Variants in MSRA observed in about 807,000 individuals in gnomAD.
MSRA encodes methionine sulfoxide reductase A, also known as mitochondrial peptide methionine sulfoxide reductase.
In MSRA, 54 loss-of-function variants were observed where a neutral mutation model predicts 31.3. The ratio of observed to expected loss-of-function variants is 1.73; its 90% CI spans 1.39 to 2.17. The LOEUF (loss-of-function observed/expected upper bound fraction) is 2.17. MSRA is among the 30% of genes most tolerant of loss of function. MSRA has a pLI of 0.00. For missense variants in MSRA, 507 were observed against 300.9 expected (o/e 1.69, Z -5.07); for synonymous variants, 169 against 116.5 (o/e 1.45, Z -2.90).
rs1478514493 is a variant in MSRA at position 10,262,786 on chromosome 8, C to T, written c.331+17563C>T. On this transcript the variant is annotated intron_variant, in intron 3 of 5. Coordinates refer to ENST00000317173, the MANE Select transcript of MSRA (RefSeq NM_012331.5). ...GCCTCCACAGCCAGGCTCTGTTAGT[C>T]TCAATATTCTCCCAGAAAGTCAGGT... Among the ~76,000 whole-genome samples, 4 of 152,190 alleles carry T rather than the reference C, an allele frequency of 2.6e-5. 1 individual carries two copies. Among genetic ancestry groups the T allele is most frequent in the African/African-American group, 4.8e-5 (2 of 41,446 alleles).
At chr8:10,344,508 A>C (rs1000943464) in intron 5 of MSRA, among the ~76,000 whole-genome samples, 1 of 128,866 alleles carries the variant, frequency 7.8e-6, no homozygotes, top group Admixed American at 9.7e-5. Context: ...TGGGAGGCGG[A>C]GATTGCATCA....
chr8:10,184,507 T>A (rs1387889404), intron 1 of MSRA, among the ~76,000 whole-genome samples: 1 of 152,150 alleles, frequency 6.6e-6, no homozygotes, highest in Non-Finnish European at 1.5e-5. Context: ...TGGGATTAAA[T>A]GGCTTGATTT....
In MSRA at chr8:10,209,513, C is replaced by CTTTCT. The variant is rs1157975870; in HGVS notation, c.211+1625_211+1629dup. Among the ~76,000 whole-genome samples the CTTTCT allele has an allele frequency of 1.2e-4, 19 of 152,244 alleles. No individual in the cohort carries two copies. In the East Asian group the frequency reaches 1.9e-3, roughly 15 times the overall value. On this transcript the variant is annotated intron_variant, in intron 2 of 5. Coordinates refer to ENST00000317173, the MANE Select transcript of MSRA (RefSeq NM_012331.5). ...CAGGGAATGAGGCTCTGTGGCAAGT[C>CTTTCT]TTTCTTTTCTTTTCTTTCTATTTTT...
intron 5 of MSRA, among the ~76,000 whole-genome samples, chr8:10,358,274 A>T: frequency 6.6e-6 from 1 of 152,226 alleles, no homozygotes; most frequent in Admixed American, 6.5e-5. Flanking sequence ...AAAGATACAG[A>T]ATTAGAATAT....
At chr8:10,170,223 C>G (rs1805480512) in intron 1 of MSRA, among the ~76,000 whole-genome samples, 1 of 151,916 alleles carries the variant, frequency 6.6e-6, no homozygotes, top group Non-Finnish European at 1.5e-5. Flanking sequence ...GCTTGTCTCC[C>G]TCCAAATTCA....
chr8:10,234,362 G>C (rs977546346), intron 2 of MSRA, among the ~76,000 whole-genome samples: 12 of 152,106 alleles, frequency 7.9e-5, no homozygotes, highest in African/African-American at 2.9e-4. Flanking sequence ...TTTGAGTTTG[G>C]GAGAAGGTTA....
intron 5 of MSRA, among the ~76,000 whole-genome samples, chr8:10,324,229 A>G (rs1338285344): frequency 6.6e-6 from 1 of 152,190 alleles, no homozygotes; most frequent in African/African-American, 2.4e-5. Context: ...GAGGAACTGA[A>G]TCTTTTAATT....
At chr8:10,198,065 A>G (rs1282218715) in intron 1 of MSRA, among the ~76,000 whole-genome samples, 1 of 152,096 alleles carries the variant, frequency 6.6e-6, no homozygotes, top group Non-Finnish European at 1.5e-5. Flanking sequence ...TACAACTTCC[A>G]AAATATACCC....
At chr8:10,135,202 C>G (rs1370848957) in intron 1 of MSRA, among the ~76,000 whole-genome samples, 1 of 152,198 alleles carries the variant, frequency 6.6e-6, no homozygotes, top group Non-Finnish European at 1.5e-5. Context: ...TAAGCAATAC[C>G]TGCCGTGGTT....
chr8:10,267,726 C>G (rs1340107336), intron 3 of MSRA, among the ~76,000 whole-genome samples: 1 of 152,078 alleles, frequency 6.6e-6, no homozygotes, highest in African/African-American at 2.4e-5. Flanking sequence ...TTAGTCTCTC[C>G]CGACACCAAT....
At position 10,159,178 on chromosome 8, in the gene MSRA, G is replaced by A. The variant is rs146456347; in HGVS notation, c.143-48655G>A. Among the ~76,000 whole-genome samples, 282 of 152,294 alleles carry A rather than the reference G, an allele frequency of 1.9e-3. 2 individuals are homozygous for A. The highest frequency in any genetic ancestry group is 5.9e-3 in the African/African-American group (245 of 41,562). On this transcript the variant is annotated intron_variant, in intron 1 of 5. Transcript: ENST00000317173. ...ACAGGGGAATCTAGAAATACTGTCC[G>A]TAAGAATTTGTGATTGGTCAGATGT...
chr8:10,381,758 G>A (rs1806084775), intron 5 of MSRA, among the ~76,000 whole-genome samples: 1 of 152,218 alleles, frequency 6.6e-6, no homozygotes, highest in Non-Finnish European at 1.5e-5. Context: ...AATCAGGGCA[G>A]ACCCTCAGGA....
Position 10,056,221 on chromosome 8 carries a change from A to AC in MSRA, c.142+1567dup, listed in dbSNP as rs1554532491. Among the ~76,000 whole-genome samples, 279 of 149,130 alleles carry AC rather than the reference A, an allele frequency of 1.9e-3. 1 individual carries two copies. The highest frequency in any genetic ancestry group is 6.0e-3 in the African/African-American group (243 of 40,484). On this transcript the variant is annotated intron_variant, in intron 1 of 5. Transcript: ENST00000317173. ...ACCAAAAAAAAAAAAAAAAAAAAAA[A>AC]CCCCAAATAATCCAAAAACTCTTGT... is the stretch of plus-strand genomic sequence containing the variant.
At chr8:10,224,185 T>G (rs1585209371) in intron 2 of MSRA, among the ~76,000 whole-genome samples, 1 of 152,206 alleles carries the variant, frequency 6.6e-6, no homozygotes, top group East Asian at 1.9e-4. Context: ...ACCAGTTCTT[T>G]TTGTGGTTAT....
intron 5 of MSRA, among the ~76,000 whole-genome samples, chr8:10,329,027 C>A (rs547222497): frequency 6.6e-6 from 1 of 152,216 alleles, no homozygotes; most frequent in African/African-American, 2.4e-5. Flanking sequence ...TGCAAACTCT[C>A]TTGACACCGA....
chr8:10,074,848 G>C (rs540056510), intron 1 of MSRA, among the ~76,000 whole-genome samples: 2 of 151,972 alleles, frequency 1.3e-5, no homozygotes, highest in African/African-American at 4.8e-5. Flanking sequence ...ACCCAGAGAC[G>C]GGGGTTCACC....
At chr8:10,346,743 C>T (rs887387717) in intron 5 of MSRA, among the ~76,000 whole-genome samples, 1 of 152,126 alleles carries the variant, frequency 6.6e-6, no homozygotes, top group Non-Finnish European at 1.5e-5. Context: ...TGGGTTAGTC[C>T]TAGAATTTCA....
intron 1 of MSRA, among the ~76,000 whole-genome samples, chr8:10,069,643 C>G (rs1797635957): frequency 6.6e-6 from 1 of 152,126 alleles, no homozygotes; most frequent in South Asian, 2.1e-4. Context: ...TAGCTGAATG[C>G]TCTGTGAAGC....
In MSRA at chr8:10,098,853, A is replaced by G. The variant is rs149939453; in HGVS notation, c.142+44195A>G. ...AGCCACTGCTCACATGCTAGATCTT[A>G]CATATGTCAAAGCAGGTGTAATTGA... On this transcript the variant is annotated intron_variant, in intron 1 of 5. Coordinates refer to ENST00000317173, the MANE Select transcript of MSRA (RefSeq NM_012331.5). 1.5e-3 allele frequency among the ~76,000 whole-genome samples: 231 copies of G among 152,354 alleles called. 2 individuals are homozygous for G. The highest frequency in any genetic ancestry group is 0.012 in the Admixed American group (185 of 15,304).
Sources: allele counts gnomAD v4.1 joint callset (sites outside exome capture counted in the v4.1 genomes callset), GRCh38; gene constraint gnomAD v4.1.1; transcripts MANE v1.5; gene names NCBI Gene and HGNC (gene_info 2026-07-23, HGNC 2026-07-21).